Variants in SDK1 observed in about 807,000 individuals in gnomAD.
SDK1 encodes the protein sidekick cell adhesion molecule 1.
Under a neutral mutation model 245.5 loss-of-function variants are expected in SDK1, and 157 were observed. The observed-to-expected ratio is 0.64, with a 90% CI of 0.56 to 0.73. The LOEUF is 0.73. Among genes scored for constraint, SDK1 ranks in the 30% least tolerant of loss-of-function variants. The pLI is 0.00. For synonymous variants in SDK1, 1,647 were observed against 1,278.5 expected, an observed-to-expected ratio of 1.29 and a Z score of -6.15; for missense variants, 3,583 against 3,002.3, an observed-to-expected ratio of 1.19 and a Z score of -4.52.
At chr7:3,657,903 C>T (rs7785792) in intron 4 of SDK1, among the ~76,000 whole-genome samples, 3,560 of 152,140 alleles carry the variant, frequency 0.023, 148 homozygotes, top group African/African-American at 0.08. Flanking sequence ...GACATAGAGC[C>T]GAGGATGGAG....
At chr7:3,697,307 C>G (rs1042780097) in intron 4 of SDK1, among the ~76,000 whole-genome samples, 1 of 152,148 alleles carries the variant, frequency 6.6e-6, no homozygotes, top group Admixed American at 6.5e-5. Context: ...CCCTTTCTTT[C>G]CCGCTGCAAT....
At chr7:3,911,121 G>A (rs1042746054) in intron 5 of SDK1, among the ~76,000 whole-genome samples, 3 of 152,182 alleles carry the variant, frequency 2.0e-5, no homozygotes, top group Non-Finnish European at 4.4e-5. Context: ...TTTGTAACTG[G>A]GACAAAAGTT....
rs77546311 is a variant in SDK1, at chr7:3,548,808, C to T, written c.299-70272C>T. On this transcript the variant is annotated intron_variant, in intron 1 of 44. Coordinates refer to ENST00000404826, the MANE Select transcript of SDK1 (RefSeq NM_152744.4). ...AAGTTTCTAATTAACCTAGGGCTTC[C>T]TGTGAAATAGGGAGAAGCTGATATT... 9.2e-3 allele frequency among the ~76,000 whole-genome samples: 1,402 copies of T among 152,282 alleles called. 27 individuals carry two copies. The highest frequency in any genetic ancestry group is 0.032 in the African/African-American group (1,325 of 41,542).
At chr7:3,714,267 G>A (rs1397049324) in intron 4 of SDK1, among the ~76,000 whole-genome samples, 3 of 152,252 alleles carry the variant, frequency 2.0e-5, no homozygotes, top group South Asian at 2.1e-4. Context: ...AGCCAGACCC[G>A]TTGCTTAAAA....
At chr7:3,840,993 A>T (rs948497622) in intron 5 of SDK1, among the ~76,000 whole-genome samples, 17 of 152,138 alleles carry the variant, frequency 1.1e-4, no homozygotes, top group Non-Finnish European at 2.2e-4. Context: ...GGGATGTGTT[A>T]TTACCAAGAG....
chr7:3,968,516 C>T (rs1460510292), intron 10 of SDK1, among the ~76,000 whole-genome samples: 1 of 152,228 alleles, frequency 6.6e-6, no homozygotes, highest in African/African-American at 2.4e-5. Flanking sequence ...TGGGACACTA[C>T]AGATCAATAA....
rs183790958 is a variant in SDK1 at position 3,960,217 on chromosome 7, T to G, written c.1234+1203T>G. Among the ~76,000 whole-genome samples the G allele has an allele frequency of 1.7e-3, 253 of 152,302 alleles. 1 individual carries two copies. The highest frequency in any genetic ancestry group is 5.9e-3 in the African/African-American group (247 of 41,570). ...TACAGTGCCAAAGGCACTGGGCCAC[T>G]CAATGAAATGGGATCCTTCTCTGGT... is the stretch of plus-strand genomic sequence containing the variant. On this transcript the variant is annotated intron_variant, in intron 8 of 44. Transcript: ENST00000404826.
intron 17 of SDK1, among the ~76,000 whole-genome samples, chr7:4,023,553 G>T (rs545793471): frequency 2.5e-4 from 38 of 152,232 alleles, no homozygotes; most frequent in African/African-American, 8.9e-4. Context: ...TAACCGAAAT[G>T]GACTCAGAAA....
intron 35 of SDK1, among the ~76,000 whole-genome samples, chr7:4,205,143 C>G (rs183366598): frequency 1.6e-3 from 247 of 152,298 alleles, no homozygotes; most frequent in African/African-American, 5.7e-3. Flanking sequence ...ACTGGATCCT[C>G]AGAACGTGAA....
intron 4 of SDK1, among the ~76,000 whole-genome samples, chr7:3,731,709 G>T (rs1779182964): frequency 6.6e-6 from 1 of 152,146 alleles, no homozygotes; most frequent in African/African-American, 2.4e-5. Context: ...ATGTTCAGAA[G>T]AACTGAATAA....
chr7:3,762,785 T>TA (rs1438702027), intron 4 of SDK1, among the ~76,000 whole-genome samples: 10 of 152,228 alleles, frequency 6.6e-5, no homozygotes, highest in East Asian at 1.9e-4. Flanking sequence ...TAATAGTTTT[T>TA]AAAAAATCAC....
At position 4,163,808 on chromosome 7, in the gene SDK1, G is replaced by C. The variant is rs112733873; in HGVS notation, c.4800+1952G>C. On this transcript the variant is annotated intron_variant, in intron 32 of 44. Transcript: ENST00000404826. ...GGGCCAGCCAGGGGGAGCTTGGGAG[G>C]GGCTCCGCTTTCACCCTCTTGCTGT... 5.3e-5 allele frequency among the ~76,000 whole-genome samples: 8 copies of C among 152,316 alleles called. 1 individual carries two copies. The highest frequency in any genetic ancestry group is 1.9e-4 in the African/African-American group (8 of 41,568).
chr7:3,361,429 A>C (rs1472235048), intron 1 of SDK1, among the ~76,000 whole-genome samples: 1 of 151,896 alleles, frequency 6.6e-6, no homozygotes, highest in Non-Finnish European at 1.5e-5. Flanking sequence ...TTCTGTTTCA[A>C]GTTCTTGCCC....
chr7:3,539,374 T>G (rs1222050792), intron 1 of SDK1, among the ~76,000 whole-genome samples: 1 of 152,148 alleles, frequency 6.6e-6, no homozygotes, highest in Non-Finnish European at 1.5e-5. Flanking sequence ...CTTAAAACAA[T>G]TATTAGCAAG....
intron 1 of SDK1, among the ~76,000 whole-genome samples, chr7:3,322,144 C>T (rs565275123): frequency 1.4e-4 from 22 of 152,094 alleles, no homozygotes; most frequent in African/African-American, 5.3e-4. Flanking sequence ...CATCCCCCAC[C>T]AAAGGAAGTC....
intron 4 of SDK1, among the ~76,000 whole-genome samples, chr7:3,785,630 C>A (rs771590322): frequency 7.2e-5 from 11 of 152,128 alleles, no homozygotes; most frequent in Non-Finnish European, 1.3e-4. Context: ...TTATAAGTAA[C>A]TGTCTACTGG....
At chr7:3,795,935 C>G (rs1239276143) in intron 4 of SDK1, among the ~76,000 whole-genome samples, 1 of 152,140 alleles carries the variant, frequency 6.6e-6, no homozygotes, top group Non-Finnish European at 1.5e-5. Context: ...GGTAATGATT[C>G]ATGATCAGAT....
At chr7:3,753,884 C>T (rs151139973) in intron 4 of SDK1, among the ~76,000 whole-genome samples, 9 of 152,038 alleles carry the variant, frequency 5.9e-5, no homozygotes, top group African/African-American at 9.6e-5. Context: ...TGATAAAATA[C>T]GTCCATGAGA....
intron 1 of SDK1, among the ~76,000 whole-genome samples, chr7:3,380,896 G>A (rs1781470052): frequency 6.6e-6 from 1 of 152,166 alleles, no homozygotes; most frequent in African/African-American, 2.4e-5. Flanking sequence ...GACCAGAACT[G>A]TGAGAAAGCC....
Sources: allele counts gnomAD v4.1 joint callset (sites outside exome capture counted in the v4.1 genomes callset), GRCh38; gene constraint gnomAD v4.1.1; transcripts MANE v1.5; gene names NCBI Gene and HGNC (gene_info 2026-07-23, HGNC 2026-07-21).